PRKN: variants seen among roughly 807,000 people sequenced by gnomAD.
The protein encoded by PRKN is E3 ubiquitin-protein ligase parkin.
In PRKN, 56 loss-of-function variants were observed where a neutral mutation model predicts 59.5. That is an observed-to-expected ratio of 0.94 (90% CI 0.76 to 1.18). The LOEUF (loss-of-function observed/expected upper bound fraction) is 1.18, where lower values mean the gene tolerates loss of function less well. Ranked by LOEUF, PRKN falls within the 50% of genes most tolerant of loss-of-function variation. PRKN has a pLI of 0.00. For synonymous variants in PRKN, 250 were observed against 222.1 expected (o/e 1.13, Z -1.12); for missense variants, 657 against 596.4 (o/e 1.10, Z -1.06).
intron 4 of PRKN, among the ~76,000 whole-genome samples, chr6:162,121,246 G>C (rs996362751): frequency 2.6e-5 from 4 of 152,030 alleles, no homozygotes; most frequent in Non-Finnish European, 5.9e-5. Context: ...ACAGAAAATA[G>C]CAAATACCTT....
intron 1 of PRKN, among the ~76,000 whole-genome samples, chr6:162,619,556 A>T (rs536393448): frequency 2.6e-5 from 4 of 152,242 alleles, no homozygotes; most frequent in Non-Finnish European, 4.4e-5. Flanking sequence ...ACTTTAACAC[A>T]TGCGTATTGG....
intron 4 of PRKN, among the ~76,000 whole-genome samples, chr6:162,069,137 T>A (rs927722070): frequency 1.3e-5 from 2 of 152,130 alleles, no homozygotes; most frequent in African/African-American, 4.8e-5. Flanking sequence ...CTCCCAGAAT[T>A]CCCACGTGTT....
At chr6:161,691,321 C>T (rs941548341) in intron 7 of PRKN, among the ~76,000 whole-genome samples, 1 of 152,214 alleles carries the variant, frequency 6.6e-6, no homozygotes, top group Non-Finnish European at 1.5e-5. Context: ...AGCAAGGCCC[C>T]TGCAGGCAGC....
rs149823275 is a variant in PRKN at position 161,378,833 on chromosome 6, C to T, written c.1167+7961G>A. On this transcript the variant is annotated intron_variant, in intron 10 of 11. Coordinates refer to ENST00000366898, the MANE Select transcript of PRKN (RefSeq NM_004562.3). This position sits in a 1 kb window ranked among gnomAD's most constrained non-coding sequence, Gnocchi z 7.3. ...CAGGGTGTGTCTCCAGCAGGTAGAA[C>T]GCAATGGTTCAGGAATCAAGGGGTG... is the stretch of plus-strand genomic sequence containing the variant. 1.4e-4 allele frequency among the ~76,000 whole-genome samples: 21 copies of T among 152,274 alleles called. No individual in the cohort carries two copies. In the East Asian group the frequency reaches 2.7e-3, roughly 20 times the overall value.
In PRKN at chr6:161,461,012, T is replaced by C. The variant is rs563036227; in HGVS notation, c.1084-74135A>G. The stretch of plus-strand genomic sequence containing the variant: ...GACCTCATGATCTGCCTGCCTTGGC[T>C]TCCCAAAGTACTGGGACTACAGGTG... On this transcript the variant is annotated intron_variant, in intron 9 of 11. Transcript: ENST00000366898. This position sits in a 1 kb window ranked among gnomAD's most constrained non-coding sequence, Gnocchi z 5.1. 1.4e-4 allele frequency among the ~76,000 whole-genome samples: 22 copies of C among 152,024 alleles called. No homozygotes were observed. The highest frequency in any genetic ancestry group is 2.8e-4 in the Non-Finnish European group (19 of 67,988).
At chr6:161,987,472 A>G (rs1781478231) in intron 5 of PRKN, among the ~76,000 whole-genome samples, 2 of 152,212 alleles carry the variant, frequency 1.3e-5, no homozygotes, top group Admixed American at 6.5e-5. Flanking sequence ...GCAGATGCTC[A>G]AGTCCCTGAT....
intron 1 of PRKN, among the ~76,000 whole-genome samples, chr6:162,687,868 G>A (rs1281505597): frequency 1.3e-5 from 2 of 152,116 alleles, no homozygotes; most frequent in African/African-American, 4.8e-5. Flanking sequence ...ACAAACTCCA[G>A]CAACAAGTAA....
intron 1 of PRKN, among the ~76,000 whole-genome samples, chr6:162,547,159 T>TG: frequency 6.6e-6 from 1 of 152,282 alleles, no homozygotes; most frequent in East Asian, 1.9e-4. Context: ...GTCTTGCCTA[T>TG]TATGTTTCTG....
chr6:161,559,189 G>C (rs1340130294), intron 8 of PRKN, among the ~76,000 whole-genome samples: 1 of 151,488 alleles, frequency 6.6e-6, no homozygotes, highest in Non-Finnish European at 1.5e-5. Context: ...TCTTCTAGTA[G>C]TTGTGGAATC....
At chr6:162,562,498 C>A (rs927362635) in intron 1 of PRKN, among the ~76,000 whole-genome samples, 1 of 152,140 alleles carries the variant, frequency 6.6e-6, no homozygotes, top group Non-Finnish European at 1.5e-5. Flanking sequence ...GACCAGGTGG[C>A]ATTCACTACA....
chr6:162,178,426 A>G (rs1435276105), intron 4 of PRKN, among the ~76,000 whole-genome samples: 1 of 152,122 alleles, frequency 6.6e-6, no homozygotes, highest in African/African-American at 2.4e-5. Flanking sequence ...TGCTGGGGGA[A>G]TTTGAACCTG....
intron 2 of PRKN, among the ~76,000 whole-genome samples, chr6:162,315,341 G>C (rs1230921293): frequency 6.6e-6 from 1 of 152,172 alleles, no homozygotes; most frequent in Non-Finnish European, 1.5e-5. Flanking sequence ...GCTTTATTCG[G>C]TTAATTCAGT....
intron 2 of PRKN, among the ~76,000 whole-genome samples, chr6:162,327,272 T>C (rs1244369224): frequency 6.6e-6 from 1 of 152,222 alleles, no homozygotes; most frequent in Non-Finnish European, 1.5e-5. Context: ...CACTCAGTAT[T>C]ACTTATCGTG....
chr6:162,380,485 ATATATACACACATATATATGTGTG>A (rs1562716611), intron 2 of PRKN, among the ~76,000 whole-genome samples: 20 of 38,662 alleles, frequency 5.2e-4, no homozygotes, highest in Non-Finnish European at 8.8e-4. Context: ...ATATATATGT[ATATATACACACATATATATGTGTG>A]TATATATATA....
At chr6:161,659,049 C>T (rs1784453463) in intron 7 of PRKN, among the ~76,000 whole-genome samples, 1 of 152,182 alleles carries the variant, frequency 6.6e-6, no homozygotes, top group African/African-American at 2.4e-5. Flanking sequence ...GTTTAACTGC[C>T]CCATAACTGC....
intron 3 of PRKN, among the ~76,000 whole-genome samples, chr6:162,257,956 T>A (rs1215232900): frequency 6.6e-6 from 1 of 152,222 alleles, no homozygotes; most frequent in East Asian, 1.9e-4. Flanking sequence ...CTGCCCTTTT[T>A]CTGACATCCT....
chr6:161,428,687 T>C lies in PRKN; in HGVS notation c.1084-41810A>G, dbSNP rs2115046098. 6.6e-6 allele frequency among the ~76,000 whole-genome samples: 1 copy of C among 152,284 alleles called. No individual in the cohort carries two copies. Among genetic ancestry groups the C allele is most frequent in the Admixed American group, 6.5e-5 (1 of 15,298 alleles). Reference sequence around the variant, plus strand: ...AAGAATCAGCAATTCACACATATAATAAAGCTCACAACCAAAAAAAGCACA... The same window carrying C: ...AAGAATCAGCAATTCACACATATAACAAAGCTCACAACCAAAAAAAGCACA... On this transcript the variant is annotated intron_variant, in intron 9 of 11. Transcript: ENST00000366898. This position sits in a 1 kb window ranked among gnomAD's most constrained non-coding sequence, Gnocchi z 4.0.
At chr6:162,068,350 A>C (rs1410993556) in intron 4 of PRKN, among the ~76,000 whole-genome samples, 1 of 152,200 alleles carries the variant, frequency 6.6e-6, no homozygotes, top group Non-Finnish European at 1.5e-5. Flanking sequence ...CTGTGTAACA[A>C]ATAACCACAA....
chr6:161,821,192 A>G lies in PRKN; in HGVS notation c.735-35284T>C, dbSNP rs563222083. Among the ~76,000 whole-genome samples, 335 of 152,218 alleles carry G rather than the reference A, an allele frequency of 2.2e-3. 2 individuals are homozygous for G. The highest frequency in any genetic ancestry group is 4.7e-3 in the Admixed American group (72 of 15,286). ...CCCCAATTACCAAAAACCCCCAAACATACTCACTCTTTGTCCTCCACCAAC... is the reference window on the plus strand; with the variant it reads ...CCCCAATTACCAAAAACCCCCAAACGTACTCACTCTTTGTCCTCCACCAAC... On this transcript the variant is annotated intron_variant, in intron 6 of 11. Transcript: ENST00000366898.
Sources: gnomAD v4.1 joint callset for allele counts (sites outside exome capture counted in the v4.1 genomes callset) on GRCh38, gnomAD v4.1.1 for gene constraint, Gnocchi (gnomAD v3.1) non-coding constraint, MANE v1.5 for transcripts, NCBI Gene and HGNC (gene_info 2026-07-23, HGNC 2026-07-21) for gene names.